ANKIB1: variants seen among roughly 807,000 people sequenced by gnomAD.
ANKIB1 encodes the protein ankyrin repeat and IBR domain-containing protein 1.
ANKIB1 carries 43 observed loss-of-function variants against 122.1 expected under a neutral mutation model. The ratio of observed to expected loss-of-function variants is 0.35; its 90% confidence interval spans 0.28 to 0.45. The LOEUF (loss-of-function observed/expected upper bound fraction) is 0.45, where lower values mean the gene tolerates loss of function less well. Among genes scored for constraint, ANKIB1 ranks in the 20% least tolerant of loss-of-function variants. The pLI is 1.00. For synonymous variants in ANKIB1, 390 were observed against 442.0 expected (o/e 0.88, Z 1.48); for missense variants, 992 against 1,329.5 (o/e 0.75, Z 3.95).
At chr7:92,249,240 A>G (rs1337602488) in intron 1 of ANKIB1, among the ~76,000 whole-genome samples, 4 of 152,086 alleles carry the variant, frequency 2.6e-5, no homozygotes, top group Non-Finnish European at 5.9e-5. Flanking sequence ...TTGAGCATCT[A>G]CTGTGTGTGC....
In ANKIB1 at chr7:92,290,370, AGTGTGT is replaced by A. The variant is rs34404682; in HGVS notation, c.-90-4490_-90-4485del. On this transcript the variant is annotated intron_variant, in intron 1 of 19. Coordinates refer to ENST00000265742, the MANE Select transcript of ANKIB1 (RefSeq NM_019004.2). ...AGACTAAATTGAGTATATGTATGAA[AGTGTGT>A]GTGTGTGTGTGTGTGTGTGTGTGTG... 2.9e-4 allele frequency among the ~76,000 whole-genome samples: 41 copies of A among 141,410 alleles called. 1 individual carries two copies. The highest frequency in any genetic ancestry group is 1.9e-3 in the East Asian group (9 of 4,854). 92.8% of individuals were successfully genotyped at this position (141,410 alleles called of 152,430 possible).
chr7:92,330,994 T>C (rs901499656), intron 5 of ANKIB1, among the ~76,000 whole-genome samples: 57 of 152,192 alleles, frequency 3.7e-4, no homozygotes, highest in African/African-American at 1.3e-3. Flanking sequence ...GTATACTCTG[T>C]CCATTGCTTG....
At position 92,352,595 on chromosome 7, in the gene ANKIB1, G is replaced by T; in HGVS notation, c.1350G>T (p.Leu450Phe). 6.2e-7 allele frequency: 1 copy of T among 1,613,184 alleles called. No individual in the cohort carries two copies. Among genetic ancestry groups the T allele is most frequent in the South Asian group, 1.1e-5 (1 of 90,848 alleles). The change falls in exon 9 of 20, where the codon TTG becomes TTT. Residue 450 changes from leucine (L) to phenylalanine (F), a missense_variant. Physicochemically the swap from Leu to Phe is conservative, Grantham distance 22. Coordinates refer to ENST00000265742, the MANE Select transcript of ANKIB1 (RefSeq NM_019004.2). ...GATCTGATACACTCAGCTTCCCATTGCTGAGAGCTCCTGCTGTTGATTGTG... is the reference window on the plus strand; with the variant it reads ...GATCTGATACACTCAGCTTCCCATTTCTGAGAGCTCCTGCTGTTGATTGTG... Reference protein sequence around the residue: ...TSGSDTLSFPLLRAPAVDCGK... With the variant: ...TSGSDTLSFPFLRAPAVDCGK...
At chr7:92,331,196 A>G (rs1236308751) in intron 5 of ANKIB1, among the ~76,000 whole-genome samples, 2 of 151,826 alleles carry the variant, frequency 1.3e-5, no homozygotes, top group Admixed American at 6.6e-5. Flanking sequence ...TTCCATTTAG[A>G]TTAGGTAGGA....
At chr7:92,271,324 T>C (rs1352084440) in intron 1 of ANKIB1, among the ~76,000 whole-genome samples, 1 of 152,250 alleles carries the variant, frequency 6.6e-6, no homozygotes, top group Non-Finnish European at 1.5e-5. Context: ...AATCTGTGTC[T>C]GTCCCTCTGC....
At chr7:92,377,152 A>C (rs1041451834) in intron 11 of ANKIB1, among the ~76,000 whole-genome samples, 1 of 152,116 alleles carries the variant, frequency 6.6e-6, no homozygotes, top group Non-Finnish European at 1.5e-5. Flanking sequence ...ATTTGATTTA[A>C]AGGGAGAGAT....
intron 3 of ANKIB1, among the ~76,000 whole-genome samples, chr7:92,315,068 GA>G (rs1005121063): frequency 6.3e-4 from 95 of 151,502 alleles, no homozygotes; most frequent in Admixed American, 5.2e-3. Flanking sequence ...TGACAATAGT[GA>G]GCTCTCTCTT....
At chr7:92,271,137 G>C (rs777674517) in intron 1 of ANKIB1, among the ~76,000 whole-genome samples, 3 of 151,840 alleles carry the variant, frequency 2.0e-5, no homozygotes, top group Non-Finnish European at 4.4e-5. Context: ...TTTTGTATAA[G>C]TTGTCCTTGT....
intron 1 of ANKIB1, among the ~76,000 whole-genome samples, chr7:92,289,501 C>G (rs1802203364): frequency 1.3e-5 from 2 of 152,186 alleles, no homozygotes; most frequent in Non-Finnish European, 1.5e-5. Context: ...CCACACTGCT[C>G]CTCACCATCA....
intron 12 of ANKIB1, among the ~76,000 whole-genome samples, 198 bp from the exon 13 acceptor site, chr7:92,387,600 C>T (rs185652267): frequency 6.9e-4 from 104 of 151,634 alleles, no homozygotes; most frequent in African/African-American, 2.4e-3. Flanking sequence ...TGCACCACTG[C>T]ACTCCAGCCT....
Position 92,253,401 on chromosome 7 carries a change from C to A in ANKIB1, c.-91+6882C>A, listed in dbSNP as rs534851655. Among the ~76,000 whole-genome samples the A allele has an allele frequency of 1.4e-4, 22 of 152,302 alleles. No individual in the cohort carries two copies. In the South Asian group the frequency reaches 4.6e-3, roughly 32 times the overall value. On this transcript the variant is annotated intron_variant, in intron 1 of 19. Transcript: ENST00000265742. ...CTTTTGCCTCTGTGGAACCACAACC[C>A]TTCACTGGGCCTATGACTCTGTGCA... is the stretch of plus-strand genomic sequence containing the variant.
intron 4 of ANKIB1, among the ~76,000 whole-genome samples, chr7:92,327,010 T>C (rs1803041015): frequency 6.6e-6 from 1 of 152,156 alleles, no homozygotes; most frequent in Admixed American, 6.5e-5. Flanking sequence ...CCCAAAACTG[T>C]GCCTAAATGA....
intron 3 of ANKIB1, 52 bp downstream of exon 3, chr7:92,307,708 G>A: frequency 7.7e-7 from 1 of 1,291,566 alleles, no homozygotes. Flanking sequence ...GTATCCAGGT[G>A]ATATGTAACT....
chr7:92,371,384 C>A, intron 10 of ANKIB1, 93 bp from the exon 11 acceptor site: 1 of 1,052,382 alleles, frequency 9.5e-7, no homozygotes, highest in Non-Finnish European at 1.4e-6. Context: ...AATTGAGAGA[C>A]AGCCTGCAAA....
At chr7:92,385,043 A>AAAAC (rs1804603020) in intron 11 of ANKIB1, among the ~76,000 whole-genome samples, 1 of 151,772 alleles carries the variant, frequency 6.6e-6, no homozygotes, top group Admixed American at 6.6e-5. Flanking sequence ...TTACAAGAAA[A>AAAAC]AAACAACCCC....
chr7:92,327,650 A>C (rs1803056140), intron 4 of ANKIB1, 133 bp from the exon 5 acceptor site: 1 of 443,496 alleles, frequency 2.3e-6, no homozygotes, highest in African/African-American at 2.1e-5. Context: ...AAATGTTTTC[A>C]ATCTACAGTT....
At position 92,331,367 on chromosome 7, in the gene ANKIB1, A is replaced by C. The variant is rs1011893432; in HGVS notation, c.787+3467A>C. Among the ~76,000 whole-genome samples, 6 of 151,338 alleles carry C rather than the reference A, an allele frequency of 4.0e-5. No individual in the cohort carries two copies. In the East Asian group the frequency reaches 1.2e-3, roughly 29 times the overall value. On this transcript the variant is annotated intron_variant, in intron 5 of 19. Coordinates refer to ENST00000265742, the MANE Select transcript of ANKIB1 (RefSeq NM_019004.2). ...ACTGCAACCTCTGCCTCCTGGGTTC[A>C]AGCGATTCTCTTGCCTCAGCCTCCC... is the stretch of plus-strand genomic sequence containing the variant.
At chr7:92,394,459 G>C (rs1395269605) in intron 17 of ANKIB1, among the ~76,000 whole-genome samples, 3 of 152,148 alleles carry the variant, frequency 2.0e-5, no homozygotes, top group African/African-American at 7.2e-5. Context: ...AGAGTTTTCT[G>C]TCAGACGATT....
At chr7:92,331,595 G>T (rs1184749248) in intron 5 of ANKIB1, among the ~76,000 whole-genome samples, 5 of 152,094 alleles carry the variant, frequency 3.3e-5, no homozygotes, top group African/African-American at 1.2e-4. Flanking sequence ...TTCTGAGGTT[G>T]TCCTGGGGAT....
Sources: allele counts gnomAD v4.1 joint callset (sites outside exome capture counted in the v4.1 genomes callset), GRCh38; gene constraint gnomAD v4.1.1; transcripts MANE v1.5; gene names NCBI Gene and HGNC (gene_info 2026-07-23, HGNC 2026-07-21).